The following KHDC1 variants were observed in gnomAD, a reference collection of about 807,000 sequenced individuals.
The protein encoded by KHDC1 is KH domain containing 1, also known as KH homology domain-containing protein 1.
KHDC1 carries 21 observed loss-of-function variants against 24.7 expected under a neutral mutation model. The observed-to-expected ratio is 0.85, with a 90% CI of 0.60 to 1.23. The LOEUF (loss-of-function observed/expected upper bound fraction) is 1.23. Among genes scored for constraint, KHDC1 ranks in the 50% most tolerant of loss-of-function variants. The probability of loss-of-function intolerance (pLI) is 0.00; values close to 1 mark genes in which losing one functional copy is unlikely to be tolerated. For missense variants in KHDC1, 274 were observed against 298.5 expected (o/e 0.92, Z 0.61); for synonymous variants, 98 against 111.7 (o/e 0.88, Z 0.77).
intron 2 of KHDC1, chr6:73,268,469 T>A (rs1767115184): frequency 6.6e-6 from 1 of 152,344 alleles, no homozygotes; most frequent in Non-Finnish European, 1.5e-5. Context: ...TTGCCGCTGC[T>A]GGCTCCGGAA....
intron 2 of KHDC1, chr6:73,263,061 GGCGGCGGC>G: frequency 1.6e-5 from 2 of 123,820 alleles, no homozygotes; most frequent in South Asian, 3.5e-4. Context: ...CGGCGGCGGC[GGCGGCGGC>G]AGCGGCGGCA....
At chr6:73,245,555 C>T (rs1242427362) in intron 2 of KHDC1, among the ~76,000 whole-genome samples, 2 of 152,146 alleles carry the variant, frequency 1.3e-5, no homozygotes, top group African/African-American at 2.4e-5. Flanking sequence ...GGAGGAGTTG[C>T]TATTGCCATC....
intron 2 of KHDC1, among the ~76,000 whole-genome samples, chr6:73,253,018 G>A (rs1671998045): frequency 6.6e-6 from 1 of 151,892 alleles, no homozygotes; most frequent in Non-Finnish European, 1.5e-5. Flanking sequence ...TAAACTACAA[G>A]CTCTACAAAA....
At chr6:73,295,046 TG>T (rs1458370893) in intron 1 of KHDC1, among the ~76,000 whole-genome samples, 2 of 151,884 alleles carry the variant, frequency 1.3e-5, no homozygotes, top group Non-Finnish European at 2.9e-5. Flanking sequence ...CCCAGCTACT[TG>T]GGAGGCTGAG....
chr6:73,291,914 ATT>A (rs779393373), intron 2 of KHDC1: 1 of 1,467,746 alleles, frequency 6.8e-7, no homozygotes, highest in Non-Finnish European at 9.4e-7. Flanking sequence ...TCCTGAATCT[ATT>A]TTTAAAAATT....
At position 73,309,777 on chromosome 6, in the gene KHDC1, C is replaced by T; in HGVS notation, c.-63G>A. 2 of 1,516,286 alleles carry T rather than the reference C, an allele frequency of 1.3e-6. 1 individual carries two copies. The highest frequency in any genetic ancestry group is 4.9e-5 in the East Asian group (2 of 40,666). 93.9% of individuals were successfully genotyped at this position (1,516,286 alleles called of 1,614,324 possible). The stretch of plus-strand genomic sequence containing the variant: ...GGCACGAGTAGTACAGCTCCTCCCG[C>T]CACCGCAGAGCCCGCCGGCGGGAAG... On this transcript the variant is annotated 5_prime_UTR_variant, in exon 1 of 5. Transcript: ENST00000370384.
chr6:73,268,618 A>G (rs1172398934), intron 2 of KHDC1: 1 of 152,354 alleles, frequency 6.6e-6, no homozygotes, highest in African/African-American at 2.4e-5. Context: ...TCCCCACTAG[A>G]TTAACCAGAT....
At chr6:73,283,586 T>A (rs543907005) in intron 2 of KHDC1, among the ~76,000 whole-genome samples, 4 of 151,280 alleles carry the variant, frequency 2.6e-5, no homozygotes, top group South Asian at 4.2e-4. Context: ...TTCTTTAGGA[T>A]CATTCTGTTT....
chr6:73,258,434 C>A (rs187149316), intron 2 of KHDC1, among the ~76,000 whole-genome samples: 3 of 151,864 alleles, frequency 2.0e-5, no homozygotes, highest in Admixed American at 6.6e-5. Context: ...CAGAGAGAGA[C>A]CCTGTCTCAA....
At chr6:73,262,234 G>A (rs575894361) in intron 2 of KHDC1, among the ~76,000 whole-genome samples, 1 of 152,264 alleles carries the variant, frequency 6.6e-6, no homozygotes, top group South Asian at 2.1e-4. Flanking sequence ...CATTTCATAG[G>A]GCTGTGGTGA....
intron 1 of KHDC1, among the ~76,000 whole-genome samples, chr6:73,304,225 C>T (rs1053993896): frequency 3.3e-5 from 5 of 151,754 alleles, no homozygotes; most frequent in Non-Finnish European, 2.9e-5. Flanking sequence ...AAGATGCTAA[C>T]ATAAGTAGAA....
intron 2 of KHDC1, among the ~76,000 whole-genome samples, chr6:73,257,212 G>A (rs908332556): frequency 1.3e-5 from 2 of 152,162 alleles, no homozygotes; most frequent in African/African-American, 4.8e-5. Flanking sequence ...AAGATTGCTT[G>A]AGCCCAGGAG....
intron 2 of KHDC1, chr6:73,274,620 A>C (rs7743609): frequency 0.28 from 42,133 of 151,908 alleles, 6,484 homozygotes; most frequent in African/African-American, 0.42. Context: ...GCGCTCATTC[A>C]TTCTCCTACC....
At chr6:73,309,620 A>G in exon 1 of KHDC1, 1 of 1,549,816 alleles carries the variant, frequency 6.5e-7, no homozygotes, top group Non-Finnish European at 8.7e-7. Context: ...GGTCTGGAGA[A>G]AGGGCCATCC....
Position 73,288,075 on chromosome 6 carries a change from T to C in KHDC1, c.206+3923A>G, listed in dbSNP as rs570178212. On this transcript the variant is annotated intron_variant, in intron 2 of 4. Coordinates refer to ENST00000370384, the Ensembl canonical transcript of KHDC1. ...GAAGCTAGCGGCACCCTTAAAGACC[T>C]AAAGGATAGAGTTAGTCATCATCAT... 6.6e-5 allele frequency among the ~76,000 whole-genome samples: 10 copies of C among 152,332 alleles called. No homozygotes were observed. The South Asian group carries it at 2.1e-3, about 32-fold the overall frequency.
In KHDC1 at chr6:73,257,603, T is replaced by A. The variant is rs1192134257; in HGVS notation, c.207-15073A>T. On this transcript the variant is annotated intron_variant, in intron 2 of 4. Coordinates refer to ENST00000370384, the Ensembl canonical transcript of KHDC1. The stretch of plus-strand genomic sequence containing the variant: ...TAGTAGAGATAGGGTTTCACCATGT[T>A]GGCCAGGATGGTCTCAATCTCCTGA... 4.6e-5 allele frequency among the ~76,000 whole-genome samples: 7 copies of A among 151,998 alleles called. No individual in the cohort carries two copies. In the South Asian group the frequency reaches 1.2e-3, roughly 27 times the overall value.
Position 73,241,441 on chromosome 6 carries a change from T to C in KHDC1, c.*88A>G, listed in dbSNP as rs566208834. 7.0e-3 allele frequency: 9,074 copies of C among 1,290,244 alleles called. 44 individuals are homozygous for C. The highest frequency in any genetic ancestry group is 0.013 in the Middle Eastern group (50 of 3,830). The allele number at this position is 1,290,244 out of a possible 1,614,324, so 79.9% of individuals were successfully genotyped here. On this transcript the variant is annotated 3_prime_UTR_variant, in exon 5 of 5. Coordinates refer to ENST00000370384, the Ensembl canonical transcript of KHDC1. ...AGGTCCCGGCCACAAGTTCAAACTT[T>C]CCTCAGTGTCTATCATGTCTTTCTC...
intron 1 of KHDC1, among the ~76,000 whole-genome samples, chr6:73,307,595 T>C (rs1767993647): frequency 6.6e-6 from 1 of 152,140 alleles, no homozygotes; most frequent in Non-Finnish European, 1.5e-5. Context: ...GGTCTTGGCC[T>C]CTTGATCCCC....
At chr6:73,302,501 C>A (rs1767895235) in intron 1 of KHDC1, among the ~76,000 whole-genome samples, 1 of 152,154 alleles carries the variant, frequency 6.6e-6, no homozygotes, top group South Asian at 2.1e-4. Context: ...GGCTACAAAC[C>A]TGTATGGCAT....
Sources: allele counts gnomAD v4.1 joint callset (sites outside exome capture counted in the v4.1 genomes callset), GRCh38; gene constraint gnomAD v4.1.1; transcripts MANE v1.5; gene names NCBI Gene and HGNC (gene_info 2026-07-23, HGNC 2026-07-21).